The following ROBO2 variants were observed in gnomAD, a reference collection of about 807,000 sequenced individuals.
The protein encoded by ROBO2 is roundabout homolog 2.
Under a neutral mutation model 160.8 loss-of-function variants are expected in ROBO2, and 53 were observed. The ratio of observed to expected loss-of-function variants is 0.33; its 90% CI spans 0.26 to 0.41. The LOEUF (loss-of-function observed/expected upper bound fraction) is 0.41. Among genes scored for constraint, ROBO2 ranks in the 10% least tolerant of loss-of-function variants. ROBO2 has a pLI of 1.00. For synonymous variants in ROBO2, 664 were observed against 611.7 expected (o/e 1.09, Z -1.26); for missense variants, 1,577 against 1,722.4 (o/e 0.92, Z 1.49).
rs540896392 is a variant in ROBO2, at chr3:76,267,737, G to A, written c.109+330135G>A. Among the ~76,000 whole-genome samples the A allele has an allele frequency of 5.9e-5, 9 of 152,200 alleles. No individual in the cohort carries two copies. In the South Asian group the frequency reaches 1.7e-3, roughly 28 times the overall value. ...GATAAATATGGGATTACAATATAAT[G>A]TTAGAATACTTTAATGATTCTTAAT... On this transcript the variant is annotated intron_variant, in intron 2 of 26. Transcript: ENST00000487694.
chr3:77,370,869 G>A (rs533611828), intron 2 of ROBO2, among the ~76,000 whole-genome samples: 43 of 152,188 alleles, frequency 2.8e-4, no homozygotes, highest in Non-Finnish European at 2.8e-4. Flanking sequence ...CCCACAAATC[G>A]TAAAATATTT....
At chr3:76,993,586 A>G (rs1356688585) in intron 2 of ROBO2, among the ~76,000 whole-genome samples, 3 of 152,190 alleles carry the variant, frequency 2.0e-5, no homozygotes, top group African/African-American at 7.2e-5. Flanking sequence ...AAAGGCTTTC[A>G]GTCACTCATA....
chr3:76,044,012 C>A (rs1260073263), intron 2 of ROBO2, among the ~76,000 whole-genome samples: 1 of 152,004 alleles, frequency 6.6e-6, no homozygotes, highest in Non-Finnish European at 1.5e-5. Flanking sequence ...ACTTTTAATA[C>A]CCTTTTGTTG....
At chr3:76,439,958 G>T (rs1437846861) in intron 2 of ROBO2, among the ~76,000 whole-genome samples, 1 of 152,038 alleles carries the variant, frequency 6.6e-6, no homozygotes, top group Non-Finnish European at 1.5e-5. Context: ...GCCTGAGCAG[G>T]TTCTATGGAT....
At chr3:76,442,827 T>C (rs2076987058) in intron 2 of ROBO2, among the ~76,000 whole-genome samples, 2 of 152,146 alleles carry the variant, frequency 1.3e-5, no homozygotes, top group Non-Finnish European at 2.9e-5. Flanking sequence ...AACCCTTTTT[T>C]AATTAATAAT....
At chr3:77,222,565 C>A (rs1163431631) in intron 2 of ROBO2, among the ~76,000 whole-genome samples, 1 of 151,848 alleles carries the variant, frequency 6.6e-6, no homozygotes, top group Non-Finnish European at 1.5e-5. Flanking sequence ...TTCTGTTTTC[C>A]CTTCATGTGA....
In ROBO2 at chr3:77,430,554, A is replaced by T. The variant is rs566489744; in HGVS notation, c.389-46860A>T. Among the ~76,000 whole-genome samples the T allele has an allele frequency of 1.9e-3, 286 of 152,206 alleles. 1 individual carries two copies. Among genetic ancestry groups the T allele is most frequent in the African/African-American group, 6.7e-3 (279 of 41,528 alleles). On this transcript the variant is annotated intron_variant, in intron 2 of 25. Coordinates refer to ENST00000461745, the Ensembl canonical transcript of ROBO2. Reference sequence around the variant, plus strand: ...TTTTCCCTCAAAATTCTTATATTGGAATCCTAAACCACAAAAGGATGATAC... The same window carrying T: ...TTTTCCCTCAAAATTCTTATATTGGTATCCTAAACCACAAAAGGATGATAC...
intron 2 of ROBO2, among the ~76,000 whole-genome samples, chr3:76,299,098 CA>C (rs796681127): frequency 3.9e-4 from 59 of 152,314 alleles, no homozygotes; most frequent in African/African-American, 1.4e-3. Flanking sequence ...ACAACGAACA[CA>C]AATTCCTGTT....
At chr3:76,158,167 C>T (rs547092571) in intron 2 of ROBO2, among the ~76,000 whole-genome samples, 34 of 152,192 alleles carry the variant, frequency 2.2e-4, no homozygotes, top group South Asian at 1.5e-3. Flanking sequence ...CCAGAGTCAC[C>T]TAAGCCAGAA....
chr3:77,027,714 C>A (rs2063057247), intron 2 of ROBO2, among the ~76,000 whole-genome samples: 1 of 152,130 alleles, frequency 6.6e-6, no homozygotes, highest in South Asian at 2.1e-4. Context: ...ATTCAGAACT[C>A]TAGTAAGGGT....
chr3:76,474,156 A>G (rs2078811795), intron 2 of ROBO2, among the ~76,000 whole-genome samples: 1 of 152,178 alleles, frequency 6.6e-6, no homozygotes, highest in South Asian at 2.1e-4. Flanking sequence ...ATGTAAGTGT[A>G]TGTTATCTTA....
chr3:77,586,472 G>C (rs2094052216), intron 16 of ROBO2, among the ~76,000 whole-genome samples: 1 of 151,950 alleles, frequency 6.6e-6, no homozygotes, highest in Admixed American at 6.6e-5. Flanking sequence ...CTCTCCAATG[G>C]GATGAAGACA....
intron 2 of ROBO2, among the ~76,000 whole-genome samples, chr3:76,670,716 TATAGTATTTAGAA>T (rs1427815321): frequency 6.6e-6 from 1 of 151,962 alleles, no homozygotes; most frequent in Non-Finnish European, 1.5e-5. Context: ...TACATGTATT[TATAGTATTTAGAA>T]AAATGGTTAT....
rs78611881 is a variant in ROBO2 at position 76,728,945 on chromosome 3, C to T, written c.110-369069C>T. Among the ~76,000 whole-genome samples, 341 of 152,002 alleles carry T rather than the reference C, an allele frequency of 2.2e-3. 1 individual carries two copies. The highest frequency in any genetic ancestry group is 0.012 in the East Asian group (63 of 5,160). On this transcript the variant is annotated intron_variant, in intron 2 of 26. Coordinates refer to the ROBO2 transcript ENST00000487694. ...TATTCATTTATTCTTTTCTTCTACT[C>T]CTCCTTCCCTATCTCTATGTTTCTC...
At chr3:76,292,167 G>A (rs1303254168) in intron 2 of ROBO2, among the ~76,000 whole-genome samples, 1 of 152,098 alleles carries the variant, frequency 6.6e-6, no homozygotes, top group African/African-American at 2.4e-5. Flanking sequence ...CTTGTTGGCT[G>A]TCCACAGCTC....
At chr3:77,311,101 GA>G (rs2063508552) in intron 2 of ROBO2, among the ~76,000 whole-genome samples, 1 of 151,996 alleles carries the variant, frequency 6.6e-6, no homozygotes, top group Non-Finnish European at 1.5e-5. Flanking sequence ...AAGATGCATG[GA>G]AAAATCAATT....
intron 2 of ROBO2, among the ~76,000 whole-genome samples, chr3:77,274,631 T>C (rs947553058): frequency 1.3e-5 from 2 of 152,110 alleles, no homozygotes; most frequent in African/African-American, 4.8e-5. Flanking sequence ...AGAGTAGAGA[T>C]TGAATTACAT....
rs1433740534 is a variant in ROBO2 at position 77,180,416 on chromosome 3, C to CTCTCTCTATATATATATATATATA, written c.388+82077_388+82078insCTCTCTATATATATATATATATAT. Among the ~76,000 whole-genome samples the CTCTCTCTATATATATATATATATA allele has an allele frequency of 5.2e-3, 472 of 90,550 alleles. 7 individuals carry two copies. The highest frequency in any genetic ancestry group is 0.02 in the Middle Eastern group (2 of 98). The allele number at this position is 90,550 out of a possible 152,430, so 59.4% of individuals were successfully genotyped here. Reference sequence around the variant, plus strand: ...TCTCTCTCTCTCTCTCTCTCTCTCTCTATATATATATATATGTATTTTTTT... The same window carrying CTCTCTCTATATATATATATATATA: ...TCTCTCTCTCTCTCTCTCTCTCTCTCTCTCTCTATATATATATATATATATATATATATATATATGTATTTTTTT... On this transcript the variant is annotated intron_variant, in intron 2 of 25. Transcript: ENST00000461745.
intron 2 of ROBO2, among the ~76,000 whole-genome samples, chr3:76,207,449 A>C (rs1474023): frequency 0.11 from 16,472 of 152,196 alleles, 1,166 homozygotes; most frequent in African/African-American, 0.2. Context: ...TAGTATGTTT[A>C]TCATTGCTAT....
Sources: gnomAD v4.1 joint callset for allele counts (sites outside exome capture counted in the v4.1 genomes callset) on GRCh38, gnomAD v4.1.1 for gene constraint, MANE v1.5 for transcripts, NCBI Gene and HGNC (gene_info 2026-07-23, HGNC 2026-07-21) for gene names.